TCF25: variants seen among roughly 807,000 people sequenced by gnomAD.
The protein encoded by TCF25 is ribosome quality control complex subunit TCF25.
A neutral mutation model predicts 83.1 loss-of-function variants in TCF25; 41 were observed. That is an observed-to-expected ratio of 0.49 (90% CI 0.38 to 0.64). The LOEUF (loss-of-function observed/expected upper bound fraction) is 0.64. Among genes scored for constraint, TCF25 ranks in the 30% least tolerant of loss-of-function variants. The pLI is 0.00. For missense variants in TCF25, 979 were observed against 914.5 expected (o/e 1.07, Z -0.91); for synonymous variants, 458 against 365.0 (o/e 1.25, Z -2.90).
Position 89,906,408 on chromosome 16 carries a change from C to T in TCF25, c.1719+124C>T, listed in dbSNP as rs1055635543. 7.8e-4 allele frequency: 701 copies of T among 900,986 alleles called. 8 individuals are homozygous for T. Among genetic ancestry groups the T allele is most frequent in the South Asian group, 4.8e-4 (33 of 68,248 alleles). The allele number at this position is 900,986 out of a possible 1,614,324, so 55.8% of individuals were successfully genotyped here. A position where few individuals can be genotyped will look rare whatever the true frequency, so the allele number is the denominator to read the frequency against. Reference sequence around the variant, plus strand: ...CTCCCTCAGCAGCCCAGCCCCGCCACGGCAGGGGCAGGGTCTAGTGCAGAG... The same window carrying T: ...CTCCCTCAGCAGCCCAGCCCCGCCATGGCAGGGGCAGGGTCTAGTGCAGAG... On this transcript the variant is annotated intron_variant, in intron 15 of 17. Transcript: ENST00000263346.
intron 17 of TCF25, 143 bp downstream of exon 17, chr16:89,910,806 T>C: frequency 1.9e-6 from 2 of 1,038,364 alleles, no homozygotes; most frequent in Non-Finnish European, 2.8e-6. Flanking sequence ...ATTGTGCCAG[T>C]GGGGTGCCCA....
chr16:89,898,706 A>G (rs574688426), intron 10 of TCF25, 57 bp downstream of exon 10: 844 of 1,611,302 alleles, frequency 5.2e-4, no homozygotes, highest in Non-Finnish European at 6.6e-4. Flanking sequence ...CTGCAGGCCC[A>G]CTCTCAGCCT....
chr16:89,910,754 C>T, intron 17 of TCF25, 91 bp downstream of exon 17: 1 of 1,413,898 alleles, frequency 7.1e-7, no homozygotes, highest in Non-Finnish European at 9.9e-7. Context: ...TGAACCAGGA[C>T]TGTGCCAGCC....
rs536755035 is a variant in TCF25, at chr16:89,884,847, C to T, written c.429+191C>T. 1.8e-4 allele frequency among the ~76,000 whole-genome samples: 15 copies of T among 84,398 alleles called. 1 individual carries two copies. The highest frequency in any genetic ancestry group is 8.5e-4 in the African/African-American group (10 of 11,814). The allele number at this position is 84,398 out of a possible 152,430, so 55.4% of individuals were successfully genotyped here. ...CCCTCTCCCTCTGTCTGACGCCCTC[C>T]GTCTGCCTGACGCCCTCTCCCTCTG... is the stretch of plus-strand genomic sequence containing the variant. On this transcript the variant is annotated intron_variant, in intron 3 of 17. Transcript: ENST00000263346.
At position 89,898,729 on chromosome 16, in the gene TCF25, G is replaced by A. The variant is rs376239848; in HGVS notation, c.1116-38G>A. 1.3e-5 allele frequency: 21 copies of A among 1,613,184 alleles called. No individual in the cohort carries two copies. The Middle Eastern group carries it at 5.0e-4, about 38-fold the overall frequency. On this transcript the variant is annotated intron_variant, in intron 10 of 17. Coordinates refer to ENST00000263346, the MANE Select transcript of TCF25 (RefSeq NM_014972.3). Reference sequence around the variant, plus strand: ...CCACTCTCAGCCTGACGATGCCCCTGTTCCCCTTTGCTCTGCTCTCTGTGC... The same window carrying A: ...CCACTCTCAGCCTGACGATGCCCCTATTCCCCTTTGCTCTGCTCTCTGTGC...
At chr16:89,899,684 C>T (rs1027468597) in intron 11 of TCF25, among the ~76,000 whole-genome samples, 13 of 151,798 alleles carry the variant, frequency 8.6e-5, no homozygotes, top group Middle Eastern at 3.4e-3. Flanking sequence ...GCCGAGATCG[C>T]GCCATTGCAC....
intron 4 of TCF25, among the ~76,000 whole-genome samples, chr16:89,886,781 A>G (rs1460438615): frequency 1.3e-5 from 2 of 151,504 alleles, no homozygotes; most frequent in Non-Finnish European, 2.9e-5. Flanking sequence ...AAAAAAAAAT[A>G]CAAAAATTAG....
At chr16:89,873,968 G>C (rs1334286112) in intron 1 of TCF25, 109 bp downstream of exon 1, 4 of 1,316,556 alleles carry the variant, frequency 3.0e-6, no homozygotes, top group Non-Finnish European at 4.0e-6. Flanking sequence ...GGGGTGGGAA[G>C]GGTGACGTGG....
intron 1 of TCF25, among the ~76,000 whole-genome samples, chr16:89,875,177 T>C (rs767013260): frequency 1.3e-5 from 2 of 152,240 alleles, no homozygotes; most frequent in Non-Finnish European, 2.9e-5. Flanking sequence ...GTAAGTCTTT[T>C]TAAATTTTTG....
chr16:89,896,117 C>T (rs1385460923), intron 9 of TCF25, 34 bp downstream of exon 9: 1 of 1,599,518 alleles, frequency 6.3e-7, no homozygotes, highest in Non-Finnish European at 8.5e-7. Context: ...GACGCAGCTC[C>T]CCTTCCCTTC....
chr16:89,893,326 C>T (rs1391792046), intron 6 of TCF25, among the ~76,000 whole-genome samples: 1 of 152,212 alleles, frequency 6.6e-6, no homozygotes, highest in Non-Finnish European at 1.5e-5. Flanking sequence ...CCACCGCACT[C>T]CAACCCTGTC....
chr16:89,888,022 T>G (rs2043146000), intron 5 of TCF25, among the ~76,000 whole-genome samples: 1 of 152,082 alleles, frequency 6.6e-6, no homozygotes, highest in African/African-American at 2.4e-5. Context: ...TCCCAGCACT[T>G]TGGGAGGCTG....
chr16:89,909,930 G>C (rs1260877869), intron 16 of TCF25: 2 of 152,574 alleles, frequency 1.3e-5, no homozygotes, highest in African/African-American at 4.8e-5. Context: ...CGGCCGGTGT[G>C]TCTGGCTTTC....
In TCF25 at chr16:89,910,715, C is replaced by T. The variant is rs534043928; in HGVS notation, c.1872+52C>T. ...CCTCCCCAGTGGGTGCGGGCATATC[C>T]ATTCCAGTGCGAATGCCTGGAGCCT... On this transcript the variant is annotated intron_variant, in intron 17 of 17. Coordinates refer to ENST00000263346, the MANE Select transcript of TCF25 (RefSeq NM_014972.3). 390 of 1,579,772 alleles carry T rather than the reference C, an allele frequency of 2.5e-4. 3 individuals carry two copies. Among genetic ancestry groups the T allele is most frequent in the South Asian group, 1.8e-3 (161 of 90,420 alleles).
rs2042846188 is a variant in TCF25 at position 89,884,659 on chromosome 16, A to T, written c.429+3A>T. 6 of 1,611,288 alleles carry T rather than the reference A, an allele frequency of 3.7e-6. No homozygotes were observed. Among genetic ancestry groups the T allele is most frequent in the Non-Finnish European group, 5.1e-6 (6 of 1,178,478 alleles). Reference sequence around the variant, plus strand: ...AAAGCAGCACGGGAGAAGCATCGGTACGTGAGTTGGGCCTGGCTGTGCTCT... The same window carrying T: ...AAAGCAGCACGGGAGAAGCATCGGTTCGTGAGTTGGGCCTGGCTGTGCTCT... On this transcript the variant is annotated splice_donor_region_variant and intron_variant, in intron 3 of 17. Transcript: ENST00000263346.
intron 3 of TCF25, among the ~76,000 whole-genome samples, 192 bp downstream of exon 3, chr16:89,884,848 G>A (rs1393312473): frequency 1.6e-5 from 1 of 61,002 alleles, no homozygotes; most frequent in Admixed American, 2.0e-4. Flanking sequence ...GACGCCCTCC[G>A]TCTGCCTGAC....
intron 4 of TCF25, 86 bp from the exon 5 acceptor site, chr16:89,887,566 T>C: frequency 7.6e-7 from 1 of 1,319,740 alleles, no homozygotes; most frequent in Non-Finnish European, 1.0e-6. Context: ...TGTTCTCTCC[T>C]TGACTATTAG....
intron 5 of TCF25, among the ~76,000 whole-genome samples, chr16:89,891,935 G>A (rs1175274722): frequency 2.0e-5 from 3 of 152,094 alleles, no homozygotes; most frequent in African/African-American, 7.2e-5. Context: ...CTCTCAAAGT[G>A]CTGGGATTAC....
At chr16:89,885,622 T>C (rs2042945363) in intron 3 of TCF25, among the ~76,000 whole-genome samples, 1 of 152,228 alleles carries the variant, frequency 6.6e-6, no homozygotes, top group Non-Finnish European at 1.5e-5. Context: ...CCCAGTTTTT[T>C]CTAGGGTCCT....
Sources: gnomAD v4.1 joint callset for allele counts (sites outside exome capture counted in the v4.1 genomes callset) on GRCh38, gnomAD v4.1.1 for gene constraint, MANE v1.5 for transcripts, NCBI Gene and HGNC (gene_info 2026-07-23, HGNC 2026-07-21) for gene names.